Variants in DCAKD observed in about 807,000 individuals in gnomAD.
DCAKD encodes dephospho-CoA kinase domain-containing protein.
Under a neutral mutation model 18.7 loss-of-function variants are expected in DCAKD, and 15 were observed. The observed-to-expected ratio is 0.80, with a 90% CI of 0.54 to 1.24. The LOEUF (loss-of-function observed/expected upper bound fraction) is 1.24, where lower values mean the gene tolerates loss of function less well. Among genes scored for constraint, DCAKD ranks in the 50% most tolerant of loss-of-function variants. The probability of loss-of-function intolerance (pLI) is 0.00; values close to 1 mark genes in which losing one functional copy is unlikely to be tolerated. For missense variants in DCAKD, 301 were observed against 322.0 expected (o/e 0.93, Z 0.50); for synonymous variants, 130 against 133.0 (o/e 0.98, Z 0.16).
intron 1 of DCAKD, among the ~76,000 whole-genome samples, chr17:45,045,656 C>T (rs1464163621): frequency 1.3e-5 from 2 of 148,916 alleles, no homozygotes; most frequent in East Asian, 2.0e-4. Flanking sequence ...CACTTGAACC[C>T]GGGAGGGGGA....
intron 4 of DCAKD, 109 bp from the exon 5 acceptor site, chr17:45,024,833 G>A (rs1027569086): frequency 7.4e-7 from 1 of 1,347,010 alleles, no homozygotes; most frequent in Non-Finnish European, 9.9e-7. Flanking sequence ...ATGGGGACTG[G>A]ATCTTCCCTC....
rs747315923 is a variant in DCAKD at position 45,024,326 on chromosome 17, TGTGTGTGTGTGTGG to T, written c.*93_*106del. 45,127 of 388,312 alleles carry T rather than the reference TGTGTGTGTGTGTGG, an allele frequency of 0.12. 2,628 individuals carry two copies. Among genetic ancestry groups the T allele is most frequent in the Admixed American group, 0.22 (3,235 of 14,860 alleles). 24.1% of individuals were successfully genotyped at this position (388,312 alleles called of 1,614,324 possible). ...GTGTGTGTGTGTGTGTGTGTGTGTG[TGTGTGTGTGTGTGG>T]GGAGGGGGCTGAGAGGAAACAGGAT... On this transcript the variant is annotated 3_prime_UTR_variant, in exon 5 of 5. Transcript: ENST00000651974.
chr17:45,046,257 C>T (rs59246405), intron 1 of DCAKD, among the ~76,000 whole-genome samples: 58,955 of 151,928 alleles, frequency 0.39, 12,102 homozygotes, highest in African/African-American at 0.47. Flanking sequence ...GGAAGGTGAG[C>T]TTCCCAGCAG....
chr17:45,041,858 C>T lies in DCAKD; in HGVS notation c.-114-6859G>A, dbSNP rs1271912620. On this transcript the variant is annotated intron_variant, in intron 1 of 4. Coordinates refer to ENST00000651974, the MANE Select transcript of DCAKD (RefSeq NM_001288655.2). Reference sequence around the variant, plus strand: ...GGGGGGCCATGCATGGTGGCTCACGCCTGCAATCGCAGCACTTTGGGAGGC... The same window carrying T: ...GGGGGGCCATGCATGGTGGCTCACGTCTGCAATCGCAGCACTTTGGGAGGC... 2.0e-5 allele frequency among the ~76,000 whole-genome samples: 3 copies of T among 151,960 alleles called. No individual in the cohort carries two copies. The East Asian group carries it at 5.8e-4, about 30-fold the overall frequency.
At position 45,034,394 on chromosome 17, in the gene DCAKD, T is replaced by C. The variant is rs750212915; in HGVS notation, c.113-4A>G. 4.3e-6 allele frequency: 7 copies of C among 1,613,312 alleles called. No homozygotes were observed. In the African/African-American group the frequency reaches 9.3e-5, roughly 22 times the overall value. ...GCAGGGTATCCTGGCTGCACGACTG[T>C]GGCAGGAGGAAGAAGCTGGGTCACT... On this transcript the variant is annotated splice_polypyrimidine_tract_variant and splice_region_variant and intron_variant, in intron 2 of 4. Transcript: ENST00000651974.
exon 1 of DCAKD, chr17:45,061,011 C>G: frequency 8.9e-7 from 1 of 1,121,364 alleles, no homozygotes; most frequent in Non-Finnish European, 1.1e-6. Flanking sequence ...CCTAAACCAG[C>G]ATCGAACTAC....
intron 1 of DCAKD, among the ~76,000 whole-genome samples, chr17:45,042,601 T>A (rs1219635489): frequency 6.6e-6 from 1 of 152,166 alleles, no homozygotes; most frequent in Non-Finnish European, 1.5e-5. Context: ...TGAAAACGAG[T>A]CATTTCCTGC....
At chr17:45,044,101 G>A (rs2053506017) in intron 1 of DCAKD, among the ~76,000 whole-genome samples, 1 of 152,138 alleles carries the variant, frequency 6.6e-6, no homozygotes, top group Non-Finnish European at 1.5e-5. Context: ...TCAGGCCTCT[G>A]CTCACAGCCG....
In DCAKD at chr17:45,051,123, G is replaced by A. The variant is rs115373229; in HGVS notation, c.-115+238C>T. On this transcript the variant is annotated intron_variant, in intron 1 of 4. Coordinates refer to ENST00000651974, the MANE Select transcript of DCAKD (RefSeq NM_001288655.2). ...TTTTCAGATGAGCAAACTTGGGATC[G>A]GAAAGATACCCCAAGGTCACACAAC... Among the ~76,000 whole-genome samples, 342 of 152,300 alleles carry A rather than the reference G, an allele frequency of 2.2e-3. 3 individuals carry two copies. The highest frequency in any genetic ancestry group is 8.0e-3 in the African/African-American group (334 of 41,568).
upstream of DCAKD, among the ~76,000 whole-genome samples, chr17:45,054,378 G>C (rs2053758418): frequency 6.6e-6 from 1 of 152,028 alleles, no homozygotes; most frequent in Non-Finnish European, 1.5e-5. Flanking sequence ...TTCCCTAGTA[G>C]CTGGGATTAC....
intron 1 of DCAKD, among the ~76,000 whole-genome samples, chr17:45,047,473 T>C (rs972288467): frequency 2.7e-5 from 4 of 150,448 alleles, no homozygotes; most frequent in Non-Finnish European, 5.9e-5. Context: ...TTTGTAGAGA[T>C]GAGGTTTTGC....
chr17:45,042,094 T>C (rs556792286), intron 1 of DCAKD, among the ~76,000 whole-genome samples: 3 of 151,704 alleles, frequency 2.0e-5, no homozygotes, highest in Non-Finnish European at 4.4e-5. Context: ...CCAGCCTGGG[T>C]GCAGAATAAG....
Position 45,056,823 on chromosome 17 carries a change from G to A in DCAKD, c.-118+4065C>T, listed in dbSNP as rs1024519353. 2.7e-5 allele frequency among the ~76,000 whole-genome samples: 4 copies of A among 149,554 alleles called. No homozygotes were observed. In the South Asian group the frequency reaches 6.4e-4, roughly 24 times the overall value. On this transcript the variant is annotated intron_variant, in intron 1 of 4. Coordinates refer to the DCAKD transcript ENST00000310604. ...CGCTCTGTCACCCAGGCTGGAGTGC[G>A]GTGGCGTGATCTCCGCTCACTGCAA...
upstream of DCAKD, among the ~76,000 whole-genome samples, chr17:45,053,056 G>A (rs1198506201): frequency 6.7e-6 from 1 of 150,206 alleles, no homozygotes; most frequent in African/African-American, 2.5e-5. Flanking sequence ...CCAGCTACAC[G>A]GGAGGCTGAG....
intron 1 of DCAKD, among the ~76,000 whole-genome samples, chr17:45,056,925 G>A (rs1333084844): frequency 2.0e-5 from 3 of 151,746 alleles, no homozygotes; most frequent in Non-Finnish European, 2.9e-5. Flanking sequence ...CCGCCACCAC[G>A]TCTGGCTAAT....
At chr17:45,042,686 A>G (rs1256444632) in intron 1 of DCAKD, among the ~76,000 whole-genome samples, 1 of 152,228 alleles carries the variant, frequency 6.6e-6, no homozygotes, top group East Asian at 1.9e-4. Context: ...ATTAAGTGCT[A>G]TTTTTGTATA....
At chr17:45,032,460 G>T (rs2053191977) in intron 3 of DCAKD, among the ~76,000 whole-genome samples, 1 of 152,114 alleles carries the variant, frequency 6.6e-6, no homozygotes. Context: ...AGGCATGACA[G>T]AATAAGGGGC....
intron 3 of DCAKD, chr17:45,033,909 C>T (rs1164299363): frequency 1.4e-6 from 2 of 1,432,894 alleles, no homozygotes; most frequent in East Asian, 2.9e-5. Flanking sequence ...TTATTACTCC[C>T]ATCCCTACTA....
At chr17:45,043,892 G>A (rs999935281) in intron 1 of DCAKD, among the ~76,000 whole-genome samples, 1 of 151,950 alleles carries the variant, frequency 6.6e-6, no homozygotes, top group African/African-American at 2.4e-5. Flanking sequence ...CCAACCCGCA[G>A]TGCCCGGCCA....
Sources: gnomAD v4.1 joint callset for allele counts (sites outside exome capture counted in the v4.1 genomes callset) on GRCh38, gnomAD v4.1.1 for gene constraint, MANE v1.5 for transcripts, NCBI Gene and HGNC (gene_info 2026-07-23, HGNC 2026-07-21) for gene names.